Variants in ZNF214 observed in about 807,000 individuals in gnomAD.
ZNF214 encodes BWSCR2-associated zinc finger protein 1.
A neutral mutation model predicts 53.9 loss-of-function variants in ZNF214; 43 were observed. The observed-to-expected ratio is 0.80, with a 90% confidence interval of 0.63 to 1.03. ZNF214 has a LOEUF of 1.03. Among genes scored for constraint, ZNF214 ranks in the 50% least tolerant of loss-of-function variants. The probability of loss-of-function intolerance (pLI) is 0.00; values close to 1 mark genes in which losing one functional copy is unlikely to be tolerated. For missense variants in ZNF214, 724 were observed against 719.1 expected (o/e 1.01, Z -0.08); for synonymous variants, 217 against 229.5 (o/e 0.95, Z 0.49).
At chr11:7,001,676 G>T in intron 2 of ZNF214, 121 bp from the exon 3 acceptor site, 2 of 1,143,664 alleles carry the variant, frequency 1.7e-6, no homozygotes, top group Non-Finnish European at 2.4e-6. Context: ...TAGGAAAGAA[G>T]GGTTATGACT....
At chr11:7,016,141 A>G (rs976605185) in intron 1 of ZNF214, 1 of 151,718 alleles carries the variant, frequency 6.6e-6, no homozygotes, top group African/African-American at 2.4e-5. Context: ...AATGCAATCA[A>G]TTGTTAGTTC....
intron 1 of ZNF214, among the ~76,000 whole-genome samples, chr11:7,004,010 T>A (rs917615123): frequency 2.0e-5 from 3 of 151,726 alleles, no homozygotes; most frequent in Non-Finnish European, 4.4e-5. Flanking sequence ...ACTGTGAAAG[T>A]TGGTATCTGG....
intron 1 of ZNF214, among the ~76,000 whole-genome samples, chr11:7,012,814 C>A (rs527340991): frequency 6.6e-6 from 1 of 152,308 alleles, no homozygotes; most frequent in African/African-American, 2.4e-5. Flanking sequence ...CACTTGAATT[C>A]ATAATCTACT....
At chr11:7,010,006 G>C (rs920804475) in intron 1 of ZNF214, among the ~76,000 whole-genome samples, 1 of 152,230 alleles carries the variant, frequency 6.6e-6, no homozygotes, top group Admixed American at 6.5e-5. Context: ...GTGGAAAGCG[G>C]TGTGGTGATT....
chr11:7,015,448 AC>A (rs1238900752), intron 1 of ZNF214, among the ~76,000 whole-genome samples: 29 of 152,038 alleles, frequency 1.9e-4, no homozygotes, highest in African/African-American at 6.8e-4. Context: ...TGTGGGGCTC[AC>A]CCGTGTAATC....
At chr11:7,010,108 A>G (rs995921957) in intron 1 of ZNF214, among the ~76,000 whole-genome samples, 1 of 152,156 alleles carries the variant, frequency 6.6e-6, no homozygotes, top group Non-Finnish European at 1.5e-5. Context: ...CCATAAAGAC[A>G]ATAAGCATGT....
In ZNF214 at chr11:6,999,731, G is replaced by A. The variant is rs908739186; in HGVS notation, c.*131C>T. The stretch of plus-strand genomic sequence containing the variant: ...CTTTTGAAGCAAATAATTCTTAGTG[G>A]GAGATAGGGGAAACTATAAATGTTG... On this transcript the variant is annotated 3_prime_UTR_variant, in exon 3 of 3. Coordinates refer to ENST00000278314, the MANE Select transcript of ZNF214 (RefSeq NM_013249.4). 5.7e-5 allele frequency: 54 copies of A among 953,358 alleles called. No homozygotes were observed. The highest frequency in any genetic ancestry group is 7.7e-5 in the Non-Finnish European group (52 of 678,160). The allele number at this position is 953,358 out of a possible 1,614,324, so 59.1% of individuals were successfully genotyped here. A position where few individuals can be genotyped will look rare whatever the true frequency, so the allele number is the denominator to read the frequency against.
intron 1 of ZNF214, among the ~76,000 whole-genome samples, chr11:7,017,540 C>T (rs138575236): frequency 1.6e-3 from 241 of 152,054 alleles, no homozygotes; most frequent in African/African-American, 5.5e-3. Context: ...AGTTCAAGAC[C>T]AGCCTGGGCA....
At chr11:7,006,574 C>T (rs1029745316) in intron 1 of ZNF214, among the ~76,000 whole-genome samples, 1 of 151,912 alleles carries the variant, frequency 6.6e-6, no homozygotes, top group African/African-American at 2.4e-5. Flanking sequence ...CATTATTGAC[C>T]TTTTATTGTG....
At chr11:7,018,495 C>CTTTTTTTTTTTTTTTT (rs55641448) in intron 1 of ZNF214, among the ~76,000 whole-genome samples, 3 of 61,876 alleles carry the variant, frequency 4.8e-5, no homozygotes, top group Non-Finnish European at 8.8e-5. Context: ...AATGTTAAGA[C>CTTTTTTTTTTTTTTTT]TTTTTTTTTT....
At chr11:7,006,596 G>A (rs1414458515) in intron 1 of ZNF214, among the ~76,000 whole-genome samples, 1 of 151,924 alleles carries the variant, frequency 6.6e-6, no homozygotes, top group Non-Finnish European at 1.5e-5. Context: ...CATTAAATAA[G>A]TCTCTTGTAA....
At chr11:7,016,308 C>A (rs993004046) in intron 1 of ZNF214, among the ~76,000 whole-genome samples, 2 of 152,124 alleles carry the variant, frequency 1.3e-5, no homozygotes, top group East Asian at 3.8e-4. Flanking sequence ...GACAGACATG[C>A]AATAAGCTTA....
chr11:7,004,612 A>G (rs925077098), intron 1 of ZNF214, among the ~76,000 whole-genome samples: 8 of 152,124 alleles, frequency 5.3e-5, no homozygotes, highest in Non-Finnish European at 4.4e-5. Context: ...AAGTCACTGC[A>G]GCTTCTTTCT....
chr11:7,000,023 A>G lies in ZNF214; in HGVS notation c.1660T>C (p.Tyr554His). Residue 554 changes from tyrosine (Y) to histidine (H), a missense_variant, in exon 3 of 3, where the codon TAT becomes CAT. Transcript: ENST00000278314. Reference sequence around the variant, plus strand: ...CCTTTACCACACTTAGCACATTGATAAGGCTTCTCTCCTGTATGGACCCTC... The same window carrying G: ...CCTTTACCACACTTAGCACATTGATGAGGCTTCTCTCCTGTATGGACCCTC... ...HQRVHTGEKPYQCAKCGKGFS... is the reference protein window; with the variant it reads ...HQRVHTGEKPHQCAKCGKGFS... 6.2e-7 allele frequency: 1 copy of G among 1,613,346 alleles called. No individual in the cohort carries two copies. The highest frequency in any genetic ancestry group is 8.5e-7 in the Non-Finnish European group (1 of 1,179,544).
chr11:7,005,743 T>C (rs963263936), intron 1 of ZNF214, among the ~76,000 whole-genome samples: 2 of 152,136 alleles, frequency 1.3e-5, no homozygotes, highest in African/African-American at 4.8e-5. Context: ...TAGCAATAGA[T>C]GATCATTTCC....
chr11:7,019,645 A>C (rs909633862), intron 1 of ZNF214: 1 of 152,204 alleles, frequency 6.6e-6, no homozygotes, highest in Non-Finnish European at 1.5e-5. Flanking sequence ...TTTAAAGAGG[A>C]CCAAACTTAT....
intron 2 of ZNF214, 59 bp from the exon 3 acceptor site, chr11:7,001,614 A>G (rs1397094503): frequency 4.6e-6 from 7 of 1,514,276 alleles, no homozygotes; most frequent in African/African-American, 2.8e-5. Context: ...AAAATTTCCA[A>G]CTATCTAAAT....
chr11:7,017,632 G>T (rs61879019), intron 1 of ZNF214, among the ~76,000 whole-genome samples: 2 of 151,902 alleles, frequency 1.3e-5, no homozygotes, highest in East Asian at 3.9e-4. Context: ...CCAGCTATTC[G>T]GGAGGCTGAG....
rs886074580 is a variant in ZNF214, at chr11:6,997,670, G to C, written c.*2192C>G. Among the ~76,000 whole-genome samples, 2 of 150,710 alleles carry C rather than the reference G, an allele frequency of 1.3e-5. No homozygotes were observed. Among genetic ancestry groups the C allele is most frequent in the African/African-American group, 4.9e-5 (2 of 41,046 alleles). ...GTCCCTGCTATTTAAGATCAGAAATGTGGCACTTATGGTCTCTCTCCAGTT... is the reference window on the plus strand; with the variant it reads ...GTCCCTGCTATTTAAGATCAGAAATCTGGCACTTATGGTCTCTCTCCAGTT... On this transcript the variant is annotated 3_prime_UTR_variant, in exon 3 of 3. Coordinates refer to ENST00000278314, the MANE Select transcript of ZNF214 (RefSeq NM_013249.4).
Sources: allele counts gnomAD v4.1 joint callset (sites outside exome capture counted in the v4.1 genomes callset), GRCh38; gene constraint gnomAD v4.1.1; transcripts MANE v1.5; gene names NCBI Gene and HGNC (gene_info 2026-07-23, HGNC 2026-07-21).